Variants in MAGI1 observed in about 807,000 individuals in gnomAD.
MAGI1 encodes membrane associated guanylate kinase, WW and PDZ domain containing 1.
Under a neutral mutation model 139.9 loss-of-function variants are expected in MAGI1, and 58 were observed. That is an observed-to-expected ratio of 0.41 (90% CI 0.34 to 0.52). The LOEUF (loss-of-function observed/expected upper bound fraction) is 0.52, where lower values mean the gene tolerates loss of function less well. Ranked by LOEUF, MAGI1 falls within the 20% of genes least tolerant of loss-of-function variation. The probability of loss-of-function intolerance (pLI) is 0.12; values close to 1 mark genes in which losing one functional copy is unlikely to be tolerated. For missense variants in MAGI1, 1,874 were observed against 1,901.6 expected (o/e 0.99, Z 0.27); for synonymous variants, 812 against 737.9 (o/e 1.10, Z -1.63).
At chr3:65,936,966 G>GTGGTGA (rs2063091889) in intron 1 of MAGI1, among the ~76,000 whole-genome samples, 8 of 150,458 alleles carry the variant, frequency 5.3e-5, no homozygotes, top group Non-Finnish European at 1.0e-4. Context: ...GGTGGTGGTG[G>GTGGTGA]TGGTGATGGT....
Position 65,528,695 on chromosome 3 carries a change from T to C in MAGI1, c.431-35064A>G, listed in dbSNP as rs1316243427. 2.6e-5 allele frequency among the ~76,000 whole-genome samples: 4 copies of C among 152,160 alleles called. No individual in the cohort carries two copies. The East Asian group carries it at 7.7e-4, about 29-fold the overall frequency. On this transcript the variant is annotated intron_variant, in intron 2 of 22. Transcript: ENST00000402939. ...CTCAGCAAATGTCAACTCCCAATATTTCCCCTCTTCTCAAGGTAAAAACTG... is the reference window on the plus strand; with the variant it reads ...CTCAGCAAATGTCAACTCCCAATATCTCCCCTCTTCTCAAGGTAAAAACTG...
intron 2 of MAGI1, among the ~76,000 whole-genome samples, chr3:65,517,159 TTA>T (rs1185823006): frequency 6.6e-6 from 1 of 152,180 alleles, no homozygotes; most frequent in African/African-American, 2.4e-5. Context: ...TCCTCTATTC[TTA>T]GACTACTCCA....
At position 65,427,280 on chromosome 3, in the gene MAGI1, C is replaced by T. The variant is rs1046317995; in HGVS notation, c.2167+2240G>A. Among the ~76,000 whole-genome samples the T allele has an allele frequency of 2.0e-5, 3 of 151,940 alleles. No homozygotes were observed. The South Asian group carries it at 6.3e-4, about 32-fold the overall frequency. ...TGAGCTGAGATGGCACCACTGCACT[C>T]CAGCCTGGGTGACAAAGTGAGACCC... is the stretch of plus-strand genomic sequence containing the variant. On this transcript the variant is annotated intron_variant, in intron 12 of 22. Coordinates refer to ENST00000402939, the MANE Select transcript of MAGI1 (RefSeq NM_001033057.2).
intron 2 of MAGI1, among the ~76,000 whole-genome samples, chr3:65,543,760 G>GT (rs1304425222): frequency 6.6e-6 from 1 of 151,850 alleles, no homozygotes; most frequent in African/African-American, 2.4e-5. Context: ...AGGGATGGGG[G>GT]GGGGTACAAG....
At chr3:65,489,670 T>C (rs770236841) in intron 3 of MAGI1, among the ~76,000 whole-genome samples, 2 of 152,170 alleles carry the variant, frequency 1.3e-5, no homozygotes, top group African/African-American at 2.4e-5. Flanking sequence ...GAGGTGAAAC[T>C]GTATGCGGTA....
intron 2 of MAGI1, among the ~76,000 whole-genome samples, chr3:65,561,716 G>GA (rs1328721342): frequency 3.3e-5 from 5 of 152,160 alleles, no homozygotes; most frequent in Admixed American, 2.6e-4. Context: ...TTCACTGAAA[G>GA]AAAATCAAAT....
At chr3:65,582,771 A>G (rs2081498543) in intron 2 of MAGI1, among the ~76,000 whole-genome samples, 1 of 152,176 alleles carries the variant, frequency 6.6e-6, no homozygotes, top group African/African-American at 2.4e-5. Context: ...CTGACTGGCC[A>G]TGACTGTTAA....
intron 2 of MAGI1, among the ~76,000 whole-genome samples, chr3:65,614,978 T>G (rs1209890668): frequency 6.7e-6 from 1 of 149,340 alleles, no homozygotes; most frequent in Non-Finnish European, 1.5e-5. Context: ...GCTATGATCA[T>G]GCCACTGTAC....
chr3:65,648,837 T>A (rs2085423145), intron 1 of MAGI1, among the ~76,000 whole-genome samples: 1 of 152,186 alleles, frequency 6.6e-6, no homozygotes, highest in Non-Finnish European at 1.5e-5. Context: ...GACTACGTGG[T>A]ATTGATGGGG....
At chr3:65,887,384 T>C (rs1436723290) in intron 1 of MAGI1, among the ~76,000 whole-genome samples, 2 of 70,192 alleles carry the variant, frequency 2.8e-5, no homozygotes, top group South Asian at 7.9e-4. Context: ...AGCAGACTGA[T>C]ACCAGAAAAA....
chr3:65,504,351 A>C (rs9852908), intron 2 of MAGI1, among the ~76,000 whole-genome samples: 2,478 of 152,362 alleles, frequency 0.016, 73 homozygotes, highest in African/African-American at 0.056. Flanking sequence ...GCCAACGTCT[A>C]TTCTTTATAT....
Position 65,698,389 on chromosome 3 carries a change from T to A in MAGI1, c.314-76301A>T, listed in dbSNP as rs1204789759. ...GGAAAAAACCACTTTAAAGTTCATA[T>A]GGAACCAAAAAAGAGCCCGCATCAC... On this transcript the variant is annotated intron_variant, in intron 1 of 22. Coordinates refer to ENST00000402939, the MANE Select transcript of MAGI1 (RefSeq NM_001033057.2). Among the ~76,000 whole-genome samples the A allele has an allele frequency of 2.0e-5, 3 of 146,690 alleles. No homozygotes were observed. The East Asian group carries it at 6.1e-4, about 30-fold the overall frequency.
intron 2 of MAGI1, among the ~76,000 whole-genome samples, chr3:65,533,444 G>T (rs907949881): frequency 1.3e-5 from 2 of 152,164 alleles, no homozygotes; most frequent in Non-Finnish European, 2.9e-5. Flanking sequence ...ACCCGTAATT[G>T]TCATTTTTGG....
At chr3:65,897,955 T>C (rs2061052066) in intron 1 of MAGI1, among the ~76,000 whole-genome samples, 1 of 152,006 alleles carries the variant, frequency 6.6e-6, no homozygotes. Flanking sequence ...ACCACAGGGA[T>C]CACTTTTAAA....
intron 1 of MAGI1, among the ~76,000 whole-genome samples, chr3:66,001,279 T>C (rs1185237225): frequency 2.6e-5 from 4 of 152,064 alleles, no homozygotes; most frequent in Admixed American, 1.3e-4. Flanking sequence ...CTCACCTCAG[T>C]GAGGTTTTCA....
intron 1 of MAGI1, among the ~76,000 whole-genome samples, chr3:66,012,747 T>C (rs921532235): frequency 7.4e-6 from 1 of 135,528 alleles, no homozygotes; most frequent in Non-Finnish European, 1.6e-5. Context: ...GCCTGGGCAA[T>C]AGGGTGAGAC....
At chr3:65,783,956 C>A (rs1299965367) in intron 1 of MAGI1, among the ~76,000 whole-genome samples, 3 of 151,984 alleles carry the variant, frequency 2.0e-5, no homozygotes, top group Non-Finnish European at 4.4e-5. Flanking sequence ...AACCCCATCT[C>A]TACTAAAAAT....
At chr3:65,970,506 T>C (rs1478972111) in intron 1 of MAGI1, among the ~76,000 whole-genome samples, 2 of 148,968 alleles carry the variant, frequency 1.3e-5, no homozygotes, top group African/African-American at 2.5e-5. Flanking sequence ...GTGTCAGGTA[T>C]ACTTTACAAT....
chr3:65,863,616 A>T (rs992272303), intron 1 of MAGI1, among the ~76,000 whole-genome samples: 2 of 152,176 alleles, frequency 1.3e-5, no homozygotes, highest in Admixed American at 1.3e-4. Context: ...GGGTCACTGG[A>T]CATAAGAAAG....
Sources: gnomAD v4.1 joint callset for allele counts (sites outside exome capture counted in the v4.1 genomes callset) on GRCh38, gnomAD v4.1.1 for gene constraint, MANE v1.5 for transcripts, NCBI Gene and HGNC (gene_info 2026-07-23, HGNC 2026-07-21) for gene names.